Variants in UNC79 observed in about 807,000 individuals in gnomAD.
The protein encoded by UNC79 is unc-79 subunit of NALCN channel complex, also known as protein unc-79 homolog.
A neutral mutation model predicts 283.1 loss-of-function variants in UNC79; 37 were observed. The ratio of observed to expected loss-of-function variants is 0.13; its 90% CI spans 0.10 to 0.17. The LOEUF is 0.17. Among genes scored for constraint, UNC79 ranks in the 10% least tolerant of loss-of-function variants. UNC79 has a pLI of 1.00. For missense variants in UNC79, 2,272 were observed against 3,211.1 expected, an observed-to-expected ratio of 0.71 and a Z score of 7.07; for synonymous variants, 1,107 against 1,200.2, an observed-to-expected ratio of 0.92 and a Z score of 1.61.
intron 7 of UNC79, among the ~76,000 whole-genome samples, chr14:93,507,590 T>C (rs1246291140): frequency 6.6e-6 from 1 of 152,212 alleles, no homozygotes; most frequent in Non-Finnish European, 1.5e-5. Flanking sequence ...TATGTAGTTG[T>C]TCTTTATTTA....
chr14:93,490,035 G>C (rs2058647574), intron 5 of UNC79, among the ~76,000 whole-genome samples: 1 of 152,222 alleles, frequency 6.6e-6, no homozygotes, highest in Non-Finnish European at 1.5e-5. Flanking sequence ...ATGAGGCACT[G>C]GGGTATAGGA....
chr14:93,347,753 T>G (rs935250793), intron 1 of UNC79, among the ~76,000 whole-genome samples: 1 of 151,878 alleles, frequency 6.6e-6, no homozygotes, highest in South Asian at 2.1e-4. Context: ...ACTGCGAAGA[T>G]CTAGCGTTTT....
chr14:93,344,395 C>T (rs573725191), intron 1 of UNC79, among the ~76,000 whole-genome samples: 1 of 152,180 alleles, frequency 6.6e-6, no homozygotes, highest in East Asian at 1.9e-4. Context: ...AAAGAGAGGC[C>T]CAGAACTCAA....
intron 1 of UNC79, among the ~76,000 whole-genome samples, chr14:93,383,073 C>A (rs1016504425): frequency 1.3e-5 from 2 of 152,208 alleles, no homozygotes; most frequent in African/African-American, 4.8e-5. Flanking sequence ...AGTAGAACCT[C>A]TTCCTTTATG....
intron 41 of UNC79, among the ~76,000 whole-genome samples, chr14:93,679,105 C>T (rs1317977312): frequency 6.6e-6 from 1 of 152,146 alleles, no homozygotes. Context: ...TGATAACTCC[C>T]ACCATAAAGA....
At chr14:93,615,720 C>CAAAAAAAAAAAAAAAAAAAAAAAAAAAAA (rs1158073507) in intron 27 of UNC79, among the ~76,000 whole-genome samples, 9 of 23,278 alleles carry the variant, frequency 3.9e-4, no homozygotes, top group East Asian at 2.1e-3. Context: ...GACTCCATCT[C>CAAAAAAAAAAAAAAAAAAAAAAAAAAAAA]AAAAAAAAAA....
At chr14:93,615,585 G>A (rs1198034780) in intron 27 of UNC79, among the ~76,000 whole-genome samples, 1 of 151,642 alleles carries the variant, frequency 6.6e-6, no homozygotes, top group Non-Finnish European at 1.5e-5. Context: ...AGCTGGGTGT[G>A]GTGCCATGTG....
intron 1 of UNC79, among the ~76,000 whole-genome samples, chr14:93,415,266 A>T (rs1358540382): frequency 1.3e-5 from 2 of 152,194 alleles, no homozygotes; most frequent in African/African-American, 4.8e-5. Context: ...TTCTTCATCT[A>T]TTGAGATAAT....
intron 8 of UNC79, among the ~76,000 whole-genome samples, chr14:93,525,216 G>A (rs1248593686): frequency 6.6e-6 from 1 of 152,084 alleles, no homozygotes; most frequent in African/African-American, 2.4e-5. Context: ...AGGCCGAGGC[G>A]GGTGGATTGC....
At chr14:93,346,114 G>A (rs2053822336) in intron 1 of UNC79, among the ~76,000 whole-genome samples, 1 of 151,864 alleles carries the variant, frequency 6.6e-6, no homozygotes. Flanking sequence ...AAGGACTGAG[G>A]AACTTTATCA....
intron 14 of UNC79, among the ~76,000 whole-genome samples, chr14:93,542,987 A>T (rs11160126): frequency 4.8e-5 from 7 of 146,448 alleles, no homozygotes; most frequent in African/African-American, 1.5e-4. Context: ...GGATCTTGCT[A>T]TGTCGCCCAG....
rs756736233 is a variant in UNC79, at chr14:93,621,651, C to T, written c.4418C>T (p.Thr1473Met). The stretch of plus-strand genomic sequence containing the variant: ...ATAGAACTGGCTGAATATAGAGAGA[C>T]GGGTGCATTACAAGACAGCCTTCTC... Residue 1473 changes from threonine (T) to methionine (M), a missense_variant, in exon 30 of 49, where the codon ACG (threonine) becomes ATG (methionine). Thr to Met is a moderately conservative substitution (Grantham distance 81, BLOSUM62 -1). Around this residue, in one of 11 missense-constraint regions of UNC79, gnomAD observed 580 missense variants for 632.2 expected, o/e 0.92. Transcript: ENST00000555664. This position sits in a 1 kb window ranked among gnomAD's most constrained non-coding sequence, Gnocchi z 4.8. 6 of 1,590,674 alleles carry T rather than the reference C, an allele frequency of 3.8e-6. No individual in the cohort carries two copies. The highest frequency in any genetic ancestry group is 3.6e-5 in the Admixed American group (2 of 55,928).
chr14:93,420,996 G>T (rs1456501421), intron 1 of UNC79, among the ~76,000 whole-genome samples: 1 of 151,626 alleles, frequency 6.6e-6, no homozygotes, highest in African/African-American at 2.4e-5. Flanking sequence ...TGCCTACATT[G>T]TGGAATAAGA....
chr14:93,630,846 C>A, exon 31 of UNC79: 1 of 1,614,050 alleles, frequency 6.2e-7, no homozygotes, highest in Non-Finnish European at 8.5e-7. Context: ...CCACGAGAAT[C>A]TTCATCTGCC....
chr14:93,644,180 A>G (rs2069345829), intron 34 of UNC79, among the ~76,000 whole-genome samples: 1 of 152,234 alleles, frequency 6.6e-6, no homozygotes, highest in African/African-American at 2.4e-5. Context: ...TTTCTGACTC[A>G]GATAAAAGAA....
chr14:93,558,901 G>A lies in UNC79; in HGVS notation c.1756-12993G>A, dbSNP rs550456578. Among the ~76,000 whole-genome samples the A allele has an allele frequency of 7.9e-5, 12 of 152,084 alleles. No individual in the cohort carries two copies. In the South Asian group the frequency reaches 8.3e-4, roughly 11 times the overall value. On this transcript the variant is annotated intron_variant, in intron 14 of 48. Transcript: ENST00000555664. ...TTTCCAAGATGCCACCCAGTGGGCC[G>A]CATGGGGGAATAAGATGTCAAATTA...
intron 7 of UNC79, among the ~76,000 whole-genome samples, chr14:93,505,888 T>C (rs1314199029): frequency 1.3e-5 from 2 of 151,954 alleles, no homozygotes; most frequent in Non-Finnish European, 1.5e-5. Flanking sequence ...AAAGTAGTAC[T>C]TTTATATTGC....
chr14:93,629,146 C>T (rs1209752980), intron 30 of UNC79, among the ~76,000 whole-genome samples: 1 of 152,152 alleles, frequency 6.6e-6, no homozygotes, highest in East Asian at 1.9e-4. Flanking sequence ...TTGCACTGAG[C>T]TGAGTTCATG....
chr14:93,346,865 G>A (rs1230139328), intron 1 of UNC79, among the ~76,000 whole-genome samples: 1 of 152,080 alleles, frequency 6.6e-6, no homozygotes, highest in African/African-American at 2.4e-5. Flanking sequence ...GATAGGACAC[G>A]TGGGTGGAAA....
Sources: allele counts gnomAD v4.1 joint callset (sites outside exome capture counted in the v4.1 genomes callset), GRCh38; gene constraint gnomAD v4.1.1; regional missense constraint gnomAD v4.1.1; non-coding constraint Gnocchi (gnomAD v3.1); transcripts MANE v1.5; gene names NCBI Gene and HGNC (gene_info 2026-07-23, HGNC 2026-07-21).